Variants in TUSC3 observed in about 807,000 individuals in gnomAD.
TUSC3 encodes tumor suppressor candidate 3.
A neutral mutation model predicts 44.8 loss-of-function variants in TUSC3; 45 were observed. The observed-to-expected ratio is 1.00, with a 90% CI of 0.79 to 1.29. The LOEUF is 1.29. Among genes scored for constraint, TUSC3 ranks in the 50% most tolerant of loss-of-function variants. TUSC3 has a pLI of 0.00. For missense variants in TUSC3, 519 were observed against 437.9 expected, an observed-to-expected ratio of 1.19 and a Z score of -1.65; for synonymous variants, 212 against 152.9, an observed-to-expected ratio of 1.39 and a Z score of -2.85.
At chr8:15,792,814 T>G in the TUSC3 span, among the ~76,000 whole-genome samples, 1 of 151,988 alleles carries the variant, frequency 6.6e-6, no homozygotes, top group Non-Finnish European at 1.5e-5. Flanking sequence ...AAACAGGGTT[T>G]TGCCACGTTG....
intron 6 of TUSC3, among the ~76,000 whole-genome samples, chr8:15,674,994 C>T (rs1031353829): frequency 6.6e-6 from 1 of 152,052 alleles, no homozygotes; most frequent in African/African-American, 2.4e-5. Flanking sequence ...TTCCTCCTCC[C>T]TGGTCCCTAT....
Position 15,587,703 on chromosome 8 carries a change from C to T in TUSC3, c.139-35377C>T, listed in dbSNP as rs903299139. 8.7e-4 allele frequency among the ~76,000 whole-genome samples: 132 copies of T among 152,058 alleles called. 1 individual carries two copies. The Middle Eastern group carries it at 0.017, about 20-fold the overall frequency. On this transcript the variant is annotated intron_variant, in intron 1 of 10. Coordinates refer to ENST00000503731, the MANE Select transcript of TUSC3 (RefSeq NM_006765.4). Reference sequence around the variant, plus strand: ...TGGCTGTAATTTTGTATGTATTAACCAACCTCACCCTATCCTCTCCTTCCC... The same window carrying T: ...TGGCTGTAATTTTGTATGTATTAACTAACCTCACCCTATCCTCTCCTTCCC...
At chr8:15,473,875 AG>A (rs1347542347) in intron 1 of TUSC3, among the ~76,000 whole-genome samples, 2 of 152,166 alleles carry the variant, frequency 1.3e-5, no homozygotes, top group East Asian at 3.9e-4. Flanking sequence ...AACAGAAAAC[AG>A]GGTTTGAGAG....
chr8:15,669,161 A>G (rs552969503), intron 5 of TUSC3, among the ~76,000 whole-genome samples: 4 of 151,920 alleles, frequency 2.6e-5, no homozygotes, highest in Admixed American at 1.3e-4. Context: ...AAGGTTGACA[A>G]TATCAAGGAA....
At chr8:15,502,465 C>T (rs954138672) in intron 2 of TUSC3, among the ~76,000 whole-genome samples, 21 of 152,158 alleles carry the variant, frequency 1.4e-4, no homozygotes, top group African/African-American at 4.6e-4. Context: ...TATCATTTCC[C>T]GGATCCAATA....
At chr8:15,564,633 C>T (rs1352757795) in intron 1 of TUSC3, among the ~76,000 whole-genome samples, 6 of 151,844 alleles carry the variant, frequency 4.0e-5, no homozygotes, top group East Asian at 1.9e-4. Flanking sequence ...ACCTGTTTAC[C>T]GTATGAGTTT....
chr8:15,849,450 T>C, the TUSC3 span, among the ~76,000 whole-genome samples: 11 of 152,266 alleles, frequency 7.2e-5, no homozygotes, highest in Admixed American at 6.5e-4. Flanking sequence ...AGTTTCCACA[T>C]GGTGAAACTG....
At chr8:15,792,152 C>T in the TUSC3 span, among the ~76,000 whole-genome samples, 1 of 151,888 alleles carries the variant, frequency 6.6e-6, no homozygotes, top group Non-Finnish European at 1.5e-5. Flanking sequence ...ACACCCTCTA[C>T]CCACCTTTAA....
intron 3 of TUSC3, among the ~76,000 whole-genome samples, chr8:15,654,245 A>G (rs761104276): frequency 1.3e-5 from 2 of 152,166 alleles, no homozygotes; most frequent in East Asian, 1.9e-4. Context: ...CATGGTTGCT[A>G]TAGACGTCTC....
intron 6 of TUSC3, among the ~76,000 whole-genome samples, chr8:15,719,612 C>G (rs1251992244): frequency 1.3e-5 from 2 of 151,848 alleles, no homozygotes; most frequent in Non-Finnish European, 2.9e-5. Context: ...AGGAATGTAA[C>G]TTGCCATGTA....
chr8:15,445,066 T>C (rs1294755834), intron 1 of TUSC3, among the ~76,000 whole-genome samples: 1 of 152,144 alleles, frequency 6.6e-6, no homozygotes, highest in Non-Finnish European at 1.5e-5. Flanking sequence ...AGAAAATTCT[T>C]ATTAGAAACA....
chr8:15,573,291 G>T (rs1276405256), intron 1 of TUSC3, among the ~76,000 whole-genome samples: 1 of 144,244 alleles, frequency 6.9e-6, no homozygotes, highest in Non-Finnish European at 1.5e-5. Flanking sequence ...GGATTATTCT[G>T]TTTGAGAAAG....
At chr8:15,489,910 A>T (rs1156691706) in intron 2 of TUSC3, among the ~76,000 whole-genome samples, 1 of 152,200 alleles carries the variant, frequency 6.6e-6, no homozygotes, top group African/African-American at 2.4e-5. Flanking sequence ...ACATAAGATA[A>T]AAGATTAATT....
intron 6 of TUSC3, among the ~76,000 whole-genome samples, chr8:15,682,783 G>T (rs548884174): frequency 2.7e-5 from 4 of 147,066 alleles, no homozygotes; most frequent in Admixed American, 6.7e-5. Flanking sequence ...GGCAGCTGTT[G>T]TTCTTTTGTT....
chr8:15,547,707 G>A (rs540482621), intron 1 of TUSC3, among the ~76,000 whole-genome samples: 113 of 151,188 alleles, frequency 7.5e-4, no homozygotes, highest in African/African-American at 2.4e-3. Context: ...CAGGGGTGCC[G>A]CCCTCATGAA....
At chr8:15,708,168 A>C (rs996176857) in intron 6 of TUSC3, among the ~76,000 whole-genome samples, 1 of 151,974 alleles carries the variant, frequency 6.6e-6, no homozygotes, top group Non-Finnish European at 1.5e-5. Context: ...TACACTGGGC[A>C]GAGTAGCATA....
rs148115679 is a variant in TUSC3 at position 15,639,522 on chromosome 8, A to G, written c.309-11175A>G. On this transcript the variant is annotated intron_variant, in intron 2 of 10. Coordinates refer to ENST00000503731, the MANE Select transcript of TUSC3 (RefSeq NM_006765.4). Reference sequence around the variant, plus strand: ...ATAGGTTATAACTGAAATAAATGAAAAAATGACTTTTAAAACTCTAATCTT... The same window carrying G: ...ATAGGTTATAACTGAAATAAATGAAGAAATGACTTTTAAAACTCTAATCTT... 2.2e-4 allele frequency among the ~76,000 whole-genome samples: 34 copies of G among 152,382 alleles called. No individual in the cohort carries two copies. The East Asian group carries it at 6.0e-3, about 27-fold the overall frequency.
intron 7 of TUSC3, among the ~76,000 whole-genome samples, chr8:15,732,034 G>C (rs943891880): frequency 6.6e-6 from 1 of 152,116 alleles, no homozygotes; most frequent in African/African-American, 2.4e-5. Flanking sequence ...CTGACCACAC[G>C]GGATTTCTGT....
the TUSC3 span, among the ~76,000 whole-genome samples, chr8:15,839,265 T>C: frequency 0.13 from 20,454 of 152,148 alleles, 1,504 homozygotes; most frequent in East Asian, 0.25. Context: ...TGGGCTGAGA[T>C]GATGGGGTTT....
Sources: gnomAD v4.1 joint callset for allele counts (sites outside exome capture counted in the v4.1 genomes callset) on GRCh38, gnomAD v4.1.1 for gene constraint, MANE v1.5 for transcripts, NCBI Gene and HGNC (gene_info 2026-07-23, HGNC 2026-07-21) for gene names.